CRTC1: variants seen among roughly 807,000 people sequenced by gnomAD.
CRTC1 encodes CREB regulated transcription coactivator 1, also known as CREB-regulated transcription coactivator 1.
A neutral mutation model predicts 66.1 loss-of-function variants in CRTC1; 18 were observed. That is an observed-to-expected ratio of 0.27 (90% CI 0.19 to 0.40). CRTC1 has a LOEUF of 0.40. Ranked by LOEUF, CRTC1 falls within the 10% of genes least tolerant of loss-of-function variation. The probability of loss-of-function intolerance (pLI) is 1.00; values close to 1 mark genes in which losing one functional copy is unlikely to be tolerated. For synonymous variants in CRTC1, 416 were observed against 398.8 expected, an observed-to-expected ratio of 1.04 and a Z score of -0.51; for missense variants, 669 against 887.9, an observed-to-expected ratio of 0.75 and a Z score of 3.13.
chr19:18,715,666 C>T (rs575730240), intron 1 of CRTC1, among the ~76,000 whole-genome samples: 46 of 152,348 alleles, frequency 3.0e-4, no homozygotes, highest in South Asian at 1.2e-3. Flanking sequence ...TCCCCTCTTC[C>T]CCTGCTTCTC....
intron 9 of CRTC1, among the ~76,000 whole-genome samples, chr19:18,765,796 A>G (rs972476532): frequency 1.8e-4 from 28 of 152,114 alleles, no homozygotes; most frequent in Non-Finnish European, 4.4e-5. Flanking sequence ...CCTCGTCTCT[A>G]CAAAAAATAC....
At chr19:18,713,021 A>G (rs1470808423) in intron 1 of CRTC1, among the ~76,000 whole-genome samples, 1 of 96,278 alleles carries the variant, frequency 1.0e-5, no homozygotes, top group African/African-American at 4.2e-5. Flanking sequence ...TCCCCTCCCC[A>G]GCCCCTGGCA....
chr19:18,777,163 TC>T lies in CRTC1; in HGVS notation c.1694-3del. The T allele has an allele frequency of 6.4e-6, 6 of 943,904 alleles. No individual in the cohort carries two copies. The highest frequency in any genetic ancestry group is 7.9e-6 in the Non-Finnish European group (5 of 628,962). 58.5% of individuals were successfully genotyped at this position (943,904 alleles called of 1,614,324 possible). A position where few individuals can be genotyped will look rare whatever the true frequency, so the allele number is the denominator to read the frequency against. On this transcript the variant is annotated splice_polypyrimidine_tract_variant and splice_region_variant and intron_variant, in intron 13 of 13. Transcript: ENST00000321949. This position sits in a 1 kb window ranked among gnomAD's most constrained non-coding sequence, Gnocchi z 5.5. ...AGCAGTGCCTTTTGTCCCCACCCCA[TC>T]CCCCAGTGACAGGAGAGTCCCCCCC...
In CRTC1 at chr19:18,777,162, A is replaced by G; in HGVS notation, c.1694-9A>G. 7.2e-6 allele frequency: 4 copies of G among 553,742 alleles called. No homozygotes were observed. The highest frequency in any genetic ancestry group is 5.8e-6 in the Non-Finnish European group (2 of 342,240). The allele number at this position is 553,742 out of a possible 1,614,324, so 34.3% of individuals were successfully genotyped here. On this transcript the variant is annotated splice_polypyrimidine_tract_variant and intron_variant, in intron 13 of 13. Coordinates refer to ENST00000321949, the MANE Select transcript of CRTC1 (RefSeq NM_015321.3). The surrounding 1 kb of genome is among the most constrained non-coding windows in gnomAD (Gnocchi z 5.5). ...AAGCAGTGCCTTTTGTCCCCACCCCATCCCCCAGTGACAGGAGAGTCCCCC... is the reference window on the plus strand; with the variant it reads ...AAGCAGTGCCTTTTGTCCCCACCCCGTCCCCCAGTGACAGGAGAGTCCCCC...
intron 1 of CRTC1, among the ~76,000 whole-genome samples, chr19:18,699,861 G>T (rs2053087795): frequency 6.6e-6 from 1 of 152,176 alleles, no homozygotes; most frequent in Non-Finnish European, 1.5e-5. Context: ...GACAGGCCTG[G>T]GAGGAACGAG....
In CRTC1 at chr19:18,760,078, C is replaced by T. The variant is rs556173422; in HGVS notation, c.736C>T (p.Leu246=). Residue 246 remains leucine (L), a synonymous_variant, in exon 8 of 14, where the codon CTG becomes TTG. Transcript: ENST00000321949. The surrounding 1 kb of genome is among the most constrained non-coding windows in gnomAD (Gnocchi z 6.2). ...CGCCACCCACAACACAGGGGGGTCC[C>T]TGCCCGACCTGACCAACATCCACTT... is the stretch of plus-strand genomic sequence containing the variant. ...IPATHNTGGS[L]PDLTNIHFPS... The T allele has an allele frequency of 1.5e-5, 24 of 1,613,794 alleles. No individual in the cohort carries two copies. Among genetic ancestry groups the T allele is most frequent in the Middle Eastern group, 3.3e-4 (2 of 6,058 alleles).
At chr19:18,731,773 G>A (rs1209103769) in intron 1 of CRTC1, among the ~76,000 whole-genome samples, 1 of 152,194 alleles carries the variant, frequency 6.6e-6, no homozygotes, top group Non-Finnish European at 1.5e-5. Context: ...ACCGCCCACA[G>A]CTTCCTGCTC....
At chr19:18,749,371 C>T (rs1419921140) in intron 4 of CRTC1, among the ~76,000 whole-genome samples, 1 of 152,186 alleles carries the variant, frequency 6.6e-6, no homozygotes, top group Non-Finnish European at 1.5e-5. Context: ...AGACTGGAGG[C>T]TCATACCCCA....
intron 1 of CRTC1, among the ~76,000 whole-genome samples, chr19:18,697,953 G>A (rs1359184972): frequency 6.6e-6 from 1 of 152,130 alleles, no homozygotes; most frequent in African/African-American, 2.4e-5. Context: ...GGCACACAGT[G>A]TGTACTCAGC....
chr19:18,754,507 C>T (rs1464641759), intron 6 of CRTC1, among the ~76,000 whole-genome samples: 1 of 152,160 alleles, frequency 6.6e-6, no homozygotes, highest in Non-Finnish European at 1.5e-5. Flanking sequence ...AGCAAGACCC[C>T]TTCTGGTGGG....
intron 1 of CRTC1, among the ~76,000 whole-genome samples, chr19:18,698,572 C>G (rs1028853831): frequency 7.4e-5 from 11 of 148,734 alleles, no homozygotes; most frequent in African/African-American, 2.7e-4. Flanking sequence ...AGTGTGTACT[C>G]AGCAGGCGCA....
intron 5 of CRTC1, among the ~76,000 whole-genome samples, chr19:18,752,155 AAAAAAAAAAG>A (rs1463862825): frequency 6.6e-6 from 1 of 151,458 alleles, no homozygotes; most frequent in East Asian, 1.9e-4. Flanking sequence ...CTCAAAAAAA[AAAAAAAAAAG>A]AAAGAAAGAA....
Position 18,777,071 on chromosome 19 carries a change from G to C in CRTC1, c.1694-100G>C, listed in dbSNP as rs1023253271. On this transcript the variant is annotated intron_variant, in intron 13 of 13. Coordinates refer to ENST00000321949, the MANE Select transcript of CRTC1 (RefSeq NM_015321.3). The surrounding 1 kb of genome is among the most constrained non-coding windows in gnomAD (Gnocchi z 5.5). The stretch of plus-strand genomic sequence containing the variant: ...TCCCCAGACATTGCCAGCATACCCA[G>C]GGGACAGAGTCGCCCGGCGGGCATG... The C allele has an allele frequency of 1.4e-5, 10 of 701,932 alleles. No homozygotes were observed. In the Admixed American group the frequency reaches 1.7e-4, roughly 12 times the overall value. The allele number at this position is 701,932 out of a possible 1,614,324, so 43.5% of individuals were successfully genotyped here. A position where few individuals can be genotyped will look rare whatever the true frequency, so the allele number is the denominator to read the frequency against.
intron 1 of CRTC1, among the ~76,000 whole-genome samples, chr19:18,699,334 G>A (rs2145521002): frequency 6.6e-6 from 1 of 152,290 alleles, no homozygotes; most frequent in South Asian, 2.1e-4. Flanking sequence ...GTAGTTTGTG[G>A]TCTTCCTGGA....
intron 1 of CRTC1, among the ~76,000 whole-genome samples, chr19:18,715,944 C>T (rs1215528715): frequency 3.3e-5 from 5 of 152,192 alleles, no homozygotes; most frequent in Admixed American, 3.3e-4. Context: ...CCCCGGCATT[C>T]CTGCACCCGA....
rs1358784433 is a variant in CRTC1, at chr19:18,683,836, G to A, written c.126+8G>A. ...CTGACGCGGGCCGCGCGGGTAAGGG[G>A]GCTGCCCGCGCCGACCCTTCAGGGC... On this transcript the variant is annotated splice_region_variant and intron_variant, in intron 1 of 13. Coordinates refer to ENST00000321949, the MANE Select transcript of CRTC1 (RefSeq NM_015321.3). 4.8e-6 allele frequency: 6 copies of A among 1,254,426 alleles called. No homozygotes were observed. The highest frequency in any genetic ancestry group is 4.8e-5 in the East Asian group (1 of 20,882). The allele number at this position is 1,254,426 out of a possible 1,614,324, so 77.7% of individuals were successfully genotyped here.
chr19:18,708,725 G>T (rs2053321442), intron 1 of CRTC1, among the ~76,000 whole-genome samples: 1 of 152,240 alleles, frequency 6.6e-6, no homozygotes, highest in Non-Finnish European at 1.5e-5. Context: ...CAGGGCTCCT[G>T]TGGGGCCGGC....
chr19:18,742,242 G>A (rs1348264871), intron 1 of CRTC1, among the ~76,000 whole-genome samples: 1 of 152,168 alleles, frequency 6.6e-6, no homozygotes, highest in East Asian at 1.9e-4. Flanking sequence ...CTGGTTCTGT[G>A]CCCCGATGCC....
intron 4 of CRTC1, among the ~76,000 whole-genome samples, chr19:18,748,240 C>CGT (rs1025560823): frequency 6.6e-6 from 1 of 151,706 alleles, no homozygotes; most frequent in Non-Finnish European, 1.5e-5. Flanking sequence ...TGTATACAAA[C>CGT]GTGTGTGTGT....
Sources: allele counts gnomAD v4.1 joint callset (sites outside exome capture counted in the v4.1 genomes callset), GRCh38; gene constraint gnomAD v4.1.1; non-coding constraint Gnocchi (gnomAD v3.1); transcripts MANE v1.5; gene names NCBI Gene and HGNC (gene_info 2026-07-23, HGNC 2026-07-21).